The following KIF13A variants were observed in gnomAD, a reference collection of about 807,000 sequenced individuals.
KIF13A encodes kinesin family member 13A, also known as kinesin-like protein KIF13A.
Under a neutral mutation model 212.2 loss-of-function variants are expected in KIF13A, and 79 were observed. The observed-to-expected ratio is 0.37, with a 90% CI of 0.31 to 0.45. The LOEUF is 0.45. Ranked by LOEUF, KIF13A falls within the 20% of genes least tolerant of loss-of-function variation. KIF13A has a pLI of 1.00. For missense variants in KIF13A, 1,901 were observed against 2,209.0 expected (o/e 0.86, Z 2.79); for synonymous variants, 789 against 808.6 (o/e 0.98, Z 0.41).
chr6:17,780,423 C>T (rs934876662), intron 31 of KIF13A, among the ~76,000 whole-genome samples: 7 of 152,196 alleles, frequency 4.6e-5, no homozygotes, highest in Non-Finnish European at 8.8e-5. Flanking sequence ...CACTCACTTG[C>T]TTGGACCTGG....
At position 17,785,552 on chromosome 6, in the gene KIF13A, C is replaced by T. The variant is rs1204335649; in HGVS notation, c.3451G>A (p.Ala1151Thr). 6.3e-7 allele frequency: 1 copy of T among 1,596,832 alleles called. No individual in the cohort carries two copies. The highest frequency in any genetic ancestry group is 1.7e-5 in the Admixed American group (1 of 57,268). ...TEERNAVLVP[A>T]PGSGIPGAPA... ...GCCCCAGGAATCCCACTGCCTGGGGCTGGCACCAGCACAGCATTCCTTTCC... is the reference window on the plus strand; with the variant it reads ...GCCCCAGGAATCCCACTGCCTGGGGTTGGCACCAGCACAGCATTCCTTTCC... The change falls in exon 28 of 39, where the codon GCC (alanine) becomes ACC (threonine). Residue 1151 changes from alanine to threonine, a missense_variant. This residue lies in a region of KIF13A where 168 missense variants were observed against 250.9 expected (regional missense o/e 0.67). Transcript: ENST00000259711. The surrounding 1 kb of genome is among the most constrained non-coding windows in gnomAD (Gnocchi z 5.8).
chr6:17,956,824 C>T (rs1044494163), intron 2 of KIF13A, among the ~76,000 whole-genome samples: 5 of 152,198 alleles, frequency 3.3e-5, no homozygotes, highest in Admixed American at 1.3e-4. Context: ...CTAACACAGA[C>T]AGGCCTTGCT....
rs766298481 is a variant in KIF13A, at chr6:17,839,534, C to A, written c.831-1951G>T. Among the ~76,000 whole-genome samples, 4 of 152,100 alleles carry A rather than the reference C, an allele frequency of 2.6e-5. No homozygotes were observed. The highest frequency in any genetic ancestry group is 4.8e-5 in the African/African-American group (2 of 41,398). On this transcript the variant is annotated intron_variant, in intron 9 of 38. Coordinates refer to ENST00000259711, the MANE Select transcript of KIF13A (RefSeq NM_022113.6). This position sits in a 1 kb window ranked among gnomAD's most constrained non-coding sequence, Gnocchi z 4.3. Reference sequence around the variant, plus strand: ...GGATGAACCCTGGCAAATTATTTTACGTGAAAGAAGCCAAACACAAAAGGC... The same window carrying A: ...GGATGAACCCTGGCAAATTATTTTAAGTGAAAGAAGCCAAACACAAAAGGC...
rs1320255937 is a variant in KIF13A at position 17,764,156 on chromosome 6, T to C, written c.5372A>G (p.Gln1791Arg). ...AAAGGCTGCCTCTGGAATTATTACC[T>C]GGTCATTCTCTAACTTGGAATGCAG... ...SQLHSKLENDQVIIPEAAFWV... is the reference protein window; with the variant it reads ...SQLHSKLENDRVIIPEAAFWV... The change falls in exon 39 of 39, where the codon CAG (glutamine) becomes CGG (arginine). Residue 1791 changes from glutamine (Q) to arginine (R), a missense_variant. By Grantham distance (43) the Gln-to-Arg change is conservative. This residue lies in a region of KIF13A where 687 missense variants were observed against 759.1 expected (regional missense o/e 0.90). Coordinates refer to ENST00000259711, the MANE Select transcript of KIF13A (RefSeq NM_022113.6). This position sits in a 1 kb window ranked among gnomAD's most constrained non-coding sequence, Gnocchi z 5.1. The C allele has an allele frequency of 3.7e-6, 6 of 1,614,026 alleles. No individual in the cohort carries two copies. In the South Asian group the frequency reaches 5.5e-5, roughly 15 times the overall value.
At chr6:17,936,060 A>G (rs1776432244) in intron 2 of KIF13A, among the ~76,000 whole-genome samples, 1 of 152,222 alleles carries the variant, frequency 6.6e-6, no homozygotes, top group African/African-American at 2.4e-5. Context: ...AAGTAACTTC[A>G]TATTACTTAT....
At chr6:17,863,447 G>A (rs1202814458) in intron 4 of KIF13A, among the ~76,000 whole-genome samples, 4 of 151,480 alleles carry the variant, frequency 2.6e-5, no homozygotes, top group African/African-American at 9.7e-5. Flanking sequence ...CAGCAAAACT[G>A]TGAGTGGGAC....
chr6:17,762,309 T>C (rs1268230301), downstream of KIF13A, among the ~76,000 whole-genome samples: 2 of 151,120 alleles, frequency 1.3e-5, no homozygotes, highest in Non-Finnish European at 2.9e-5. Context: ...GCCTCCTGGG[T>C]TCAGGTGATT....
At position 17,972,751 on chromosome 6, in the gene KIF13A, A is replaced by T. The variant is rs115725419; in HGVS notation, c.146+14303T>A. Among the ~76,000 whole-genome samples the T allele has an allele frequency of 2.8e-3, 426 of 152,118 alleles. 1 individual carries two copies. Among genetic ancestry groups the T allele is most frequent in the African/African-American group, 9.9e-3 (412 of 41,490 alleles). On this transcript the variant is annotated intron_variant, in intron 2 of 38. Transcript: ENST00000259711. ...GTCTAGGGAGTGTCTCCCCAAGACAATACAAAGGGCCAACAGTAAAGAGCA... is the reference window on the plus strand; with the variant it reads ...GTCTAGGGAGTGTCTCCCCAAGACATTACAAAGGGCCAACAGTAAAGAGCA...
Position 17,914,573 on chromosome 6 carries a change from G to C in KIF13A, c.147-16393C>G, listed in dbSNP as rs7752412. On this transcript the variant is annotated intron_variant, in intron 2 of 38. Transcript: ENST00000259711. This position sits in a 1 kb window ranked among gnomAD's most constrained non-coding sequence, Gnocchi z 5.9. ...TATGAAATCACTATCCACCAATAAC[G>C]GATCCTCAGCCCTTTTTTCAAATGT... 6.6e-6 allele frequency among the ~76,000 whole-genome samples: 1 copy of C among 151,990 alleles called. No homozygotes were observed. Among genetic ancestry groups the C allele is most frequent in the Non-Finnish European group, 1.5e-5 (1 of 68,002 alleles).
At position 17,777,235 on chromosome 6, in the gene KIF13A, G is replaced by A. The variant is rs371602364; in HGVS notation, c.4170+42C>T. The stretch of plus-strand genomic sequence containing the variant: ...CACCTTCCCCCACCCCAGAGGCTGC[G>A]ACATGTCACATAGGAGCAGATCCTT... On this transcript the variant is annotated intron_variant, in intron 34 of 38. Transcript: ENST00000259711. This position sits in a 1 kb window ranked among gnomAD's most constrained non-coding sequence, Gnocchi z 4.4. 96 of 1,510,484 alleles carry A rather than the reference G, an allele frequency of 6.4e-5. No individual in the cohort carries two copies. The African/African-American group carries it at 9.7e-4, about 15-fold the overall frequency. 93.6% of individuals were successfully genotyped at this position (1,510,484 alleles called of 1,614,324 possible).
rs567890086 is a variant in KIF13A at position 17,895,699 on chromosome 6, G to A, written c.159+2469C>T. 2.5e-4 allele frequency among the ~76,000 whole-genome samples: 38 copies of A among 152,160 alleles called. No homozygotes were observed. The highest frequency in any genetic ancestry group is 4.1e-4 in the Non-Finnish European group (28 of 68,028). ...TATGCATTTGCTCTGTCTTTAAGCC[G>A]CTCCTTCCTGAATGGCATATATCTA... On this transcript the variant is annotated intron_variant, in intron 3 of 38. Transcript: ENST00000259711. The surrounding 1 kb of genome is among the most constrained non-coding windows in gnomAD (Gnocchi z 4.4).
At chr6:17,925,295 G>A (rs1217973433) in intron 2 of KIF13A, among the ~76,000 whole-genome samples, 1 of 152,228 alleles carries the variant, frequency 6.6e-6, no homozygotes, top group Non-Finnish European at 1.5e-5. Context: ...GAATCATTGA[G>A]AACAAAGTTT....
Position 17,828,952 on chromosome 6 carries a change from A to ATT in KIF13A, c.1402-584_1402-583dup, listed in dbSNP as rs10667237. On this transcript the variant is annotated intron_variant, in intron 13 of 38. Transcript: ENST00000259711. The surrounding 1 kb of genome is among the most constrained non-coding windows in gnomAD (Gnocchi z 4.3). ...GGGTCATACCATGTACAAACGTGTG[A>ATT]TTTTTTTTTTTTTGACATGGTGTCT... 0.42 allele frequency among the ~76,000 whole-genome samples: 62,465 copies of ATT among 147,538 alleles called. 13,796 individuals carry two copies. The highest frequency in any genetic ancestry group is 0.54 in the South Asian group (2,504 of 4,680).
intron 2 of KIF13A, among the ~76,000 whole-genome samples, chr6:17,931,569 A>G (rs1461205507): frequency 1.3e-5 from 2 of 152,204 alleles, no homozygotes; most frequent in Non-Finnish European, 2.9e-5. Context: ...ACTTTTTCTT[A>G]GAAATAGGAT....
rs1436857305 is a variant in KIF13A, at chr6:17,912,729, A to C, written c.147-14549T>G. 1.3e-5 allele frequency among the ~76,000 whole-genome samples: 2 copies of C among 152,174 alleles called. No individual in the cohort carries two copies. Among genetic ancestry groups the C allele is most frequent in the Non-Finnish European group, 2.9e-5 (2 of 68,036 alleles). ...TGGCTGGAAGAAGGGATCACATGAA[A>C]ATAAACACATCCTCCCAGTAATGAT... On this transcript the variant is annotated intron_variant, in intron 2 of 38. Coordinates refer to ENST00000259711, the MANE Select transcript of KIF13A (RefSeq NM_022113.6). This position sits in a 1 kb window ranked among gnomAD's most constrained non-coding sequence, Gnocchi z 4.2.
intron 2 of KIF13A, among the ~76,000 whole-genome samples, chr6:17,928,907 TATTTCCATTATATAATGGAAAGAATTTA>T (rs1216450223): frequency 6.6e-6 from 1 of 152,058 alleles, no homozygotes; most frequent in Non-Finnish European, 1.5e-5. Flanking sequence ...TGGAAATGTA[TATTTCCATTATATAATGGAAAGAATTTA>T]ATGTAAGATC....
intron 2 of KIF13A, among the ~76,000 whole-genome samples, chr6:17,981,706 G>A (rs902395405): frequency 1.3e-5 from 2 of 152,236 alleles, no homozygotes; most frequent in Non-Finnish European, 2.9e-5. Context: ...ACAGGTGTGA[G>A]TCACTGAGTC....
rs539943069 is a variant in KIF13A at position 17,951,380 on chromosome 6, C to T, written c.146+35674G>A. ...TCCTCGGCTCAAGTGATCCTCTTGC[C>T]TTGGCCTCCCAAAGTGCTGGAATTA... On this transcript the variant is annotated intron_variant, in intron 2 of 38. Transcript: ENST00000259711. This position sits in a 1 kb window ranked among gnomAD's most constrained non-coding sequence, Gnocchi z 4.9. The T allele has an allele frequency of 3.8e-5, 24 of 634,996 alleles. No individual in the cohort carries two copies. Among genetic ancestry groups the T allele is most frequent in the African/African-American group, 3.7e-4 (20 of 53,852 alleles). The allele number at this position is 634,996 out of a possible 1,614,324, so 39.3% of individuals were successfully genotyped here.
intron 38 of KIF13A, chr6:17,770,748 C>T (rs1031096340): frequency 1.0e-6 from 1 of 953,612 alleles, no homozygotes; most frequent in Non-Finnish European, 1.3e-6. Context: ...TTACTTACTC[C>T]AAGTAAGTGC....
Sources: allele counts gnomAD v4.1 joint callset (sites outside exome capture counted in the v4.1 genomes callset), GRCh38; gene constraint gnomAD v4.1.1; regional missense constraint gnomAD v4.1.1; non-coding constraint Gnocchi (gnomAD v3.1); transcripts MANE v1.5; gene names NCBI Gene and HGNC (gene_info 2026-07-23, HGNC 2026-07-21).